HMCN1: variants seen among roughly 807,000 people sequenced by gnomAD.
HMCN1 encodes the protein hemicentin-1.
Under a neutral mutation model 625.9 loss-of-function variants are expected in HMCN1, and 321 were observed. The observed-to-expected ratio is 0.51, with a 90% CI of 0.47 to 0.56. The LOEUF (loss-of-function observed/expected upper bound fraction) is 0.56, where lower values mean the gene tolerates loss of function less well. HMCN1 is among the 20% of genes least tolerant of loss of function. HMCN1 has a pLI of 0.00. For missense variants in HMCN1, 6,588 were observed against 6,887.3 expected (o/e 0.96, Z 1.54); for synonymous variants, 2,425 against 2,417.6 (o/e 1.00, Z -0.09).
chr1:186,131,125 A>G (rs1558246519), intron 85 of HMCN1, among the ~76,000 whole-genome samples: 1 of 152,190 alleles, frequency 6.6e-6, no homozygotes, highest in Non-Finnish European at 1.5e-5. Context: ...AATTACCCCA[A>G]AGTGAAATAT....
At position 186,055,662 on chromosome 1, in the gene HMCN1, T is replaced by C; in HGVS notation, c.7132T>C (p.Leu2378=). The change falls in exon 45 of 107, where the codon TTA becomes CTA. Residue 2378 remains leucine, a synonymous_variant. Coordinates refer to ENST00000271588, the MANE Select transcript of HMCN1 (RefSeq NM_031935.3). Reference sequence around the variant, plus strand: ...AGGAATGACTGACAAAAAATATGACTTAAGTGTCCATGGTAAGTAGAAAGA... The same window carrying C: ...AGGAATGACTGACAAAAAATATGACCTAAGTGTCCATGGTAAGTAGAAAGA... ...VAGMTDKKYD[L]SVHAPPSIIG... 2 of 1,612,526 alleles carry C rather than the reference T, an allele frequency of 1.2e-6. No individual in the cohort carries two copies. The highest frequency in any genetic ancestry group is 2.2e-5 in the East Asian group (1 of 44,802).
chr1:186,103,515 A>G lies in HMCN1; in HGVS notation c.10617A>G (p.Ser3539=), dbSNP rs1660476840. The change falls in exon 69 of 107, where the codon TCA becomes TCG. Residue 3539 remains serine, a synonymous_variant. Transcript: ENST00000271588. The stretch of plus-strand genomic sequence containing the variant: ...GATCTGAAGAACATGAAGAGATATC[A>G]GTAATTGTTAATAACCCACTTGAAC... ...INGSEEHEEI[S]VIVNNPLELT... 6 of 1,613,714 alleles carry G rather than the reference A, an allele frequency of 3.7e-6. No individual in the cohort carries two copies. The highest frequency in any genetic ancestry group is 5.1e-6 in the Non-Finnish European group (6 of 1,179,658).
At chr1:186,069,161 A>G (rs1658326685) in intron 50 of HMCN1, among the ~76,000 whole-genome samples, 1 of 152,158 alleles carries the variant, frequency 6.6e-6, no homozygotes, top group African/African-American at 2.4e-5. Context: ...GGCAGGAAAT[A>G]AGTTCAGCAA....
intron 1 of HMCN1, among the ~76,000 whole-genome samples, chr1:185,794,904 CT>C (rs1288619090): frequency 2.0e-5 from 3 of 152,082 alleles, no homozygotes; most frequent in Non-Finnish European, 4.4e-5. Context: ...TATATATTCT[CT>C]GTATATTTGG....
intron 106 of HMCN1, among the ~76,000 whole-genome samples, chr1:186,188,966 G>A (rs934066289): frequency 2.0e-5 from 3 of 152,140 alleles, no homozygotes; most frequent in African/African-American, 7.2e-5. Context: ...AGCAGTCAGT[G>A]TGCACTCTGG....
At chr1:185,995,815 G>A (rs903370208) in intron 24 of HMCN1, among the ~76,000 whole-genome samples, 13 of 152,118 alleles carry the variant, frequency 8.5e-5, no homozygotes, top group African/African-American at 3.1e-4. Flanking sequence ...CCGGCCACAT[G>A]AAAATCAGGG....
intron 4 of HMCN1, among the ~76,000 whole-genome samples, chr1:185,902,041 A>C (rs922173806): frequency 9.2e-5 from 14 of 151,624 alleles, no homozygotes; most frequent in African/African-American, 3.4e-4. Context: ...TTAGTCATTA[A>C]AAATTAAAAA....
chr1:186,129,363 T>A (rs1661806043), intron 83 of HMCN1, among the ~76,000 whole-genome samples: 1 of 150,960 alleles, frequency 6.6e-6, no homozygotes, highest in South Asian at 2.1e-4. Flanking sequence ...ATATAAATTT[T>A]ATAAATATTA....
At chr1:185,962,799 T>C in intron 12 of HMCN1, 140 bp downstream of exon 12, 1 of 667,276 alleles carries the variant, frequency 1.5e-6, no homozygotes, top group Non-Finnish European at 2.7e-6. Context: ...CTAAACAGGC[T>C]ATGAATGTCA....
chr1:186,142,856 A>T (rs989260421), intron 89 of HMCN1, among the ~76,000 whole-genome samples: 4 of 152,238 alleles, frequency 2.6e-5, no homozygotes, highest in Admixed American at 1.3e-4. Context: ...ATCTATATTA[A>T]ATGGCATTAT....
chr1:185,747,399 A>T (rs1397610689), intron 1 of HMCN1, among the ~76,000 whole-genome samples: 2 of 151,770 alleles, frequency 1.3e-5, no homozygotes, highest in African/African-American at 2.4e-5. Context: ...GCTCACTGCA[A>T]CCTCCACCTC....
chr1:185,863,097 C>T (rs1386450027), intron 2 of HMCN1, among the ~76,000 whole-genome samples: 1 of 152,152 alleles, frequency 6.6e-6, no homozygotes, highest in African/African-American at 2.4e-5. Flanking sequence ...TGCTGAAAGA[C>T]CCAATAGGAA....
At chr1:186,159,551 TG>T (rs1286886748) in intron 97 of HMCN1, among the ~76,000 whole-genome samples, 1 of 152,176 alleles carries the variant, frequency 6.6e-6, no homozygotes, top group Non-Finnish European at 1.5e-5. Flanking sequence ...GTATTGGCTG[TG>T]GGTTTGTCAT....
intron 11 of HMCN1, among the ~76,000 whole-genome samples, chr1:185,951,093 G>A (rs1668637569): frequency 2.0e-5 from 3 of 151,680 alleles, no homozygotes; most frequent in African/African-American, 4.9e-5. Flanking sequence ...GGTAAGGGGT[G>A]CATGATCGGT....
chr1:185,924,220 T>A, intron 8 of HMCN1, among the ~76,000 whole-genome samples: 1 of 108,682 alleles, frequency 9.2e-6, no homozygotes, highest in African/African-American at 4.0e-5. Flanking sequence ...CCAATCTTTT[T>A]TTTTTTTTTT....
chr1:186,066,108 G>C (rs1244120222), intron 49 of HMCN1, among the ~76,000 whole-genome samples: 1 of 152,136 alleles, frequency 6.6e-6, no homozygotes, highest in African/African-American at 2.4e-5. Flanking sequence ...TCAAGGAGCT[G>C]ATAGTCTAAT....
intron 100 of HMCN1, among the ~76,000 whole-genome samples, chr1:186,168,839 G>C (rs1006881922): frequency 2.6e-5 from 4 of 151,928 alleles, no homozygotes; most frequent in Admixed American, 6.6e-5. Context: ...AGCAATACAC[G>C]TGCCACGGTG....
intron 11 of HMCN1, among the ~76,000 whole-genome samples, chr1:185,935,217 C>T (rs1387966935): frequency 1.3e-5 from 2 of 152,148 alleles, no homozygotes; most frequent in African/African-American, 4.8e-5. Context: ...TTCCTTGTTT[C>T]TCCACGTTAA....
At chr1:186,116,541 C>T (rs1661141800) in intron 75 of HMCN1, among the ~76,000 whole-genome samples, 1 of 151,930 alleles carries the variant, frequency 6.6e-6, no homozygotes. Flanking sequence ...TGTCATTAGC[C>T]ATCTGTCAAT....
Sources: allele counts gnomAD v4.1 joint callset (sites outside exome capture counted in the v4.1 genomes callset), GRCh38; gene constraint gnomAD v4.1.1; transcripts MANE v1.5; gene names NCBI Gene and HGNC (gene_info 2026-07-23, HGNC 2026-07-21).